The following PTPRG variants were observed in gnomAD, a reference collection of about 807,000 sequenced individuals.
PTPRG encodes protein tyrosine phosphatase receptor type G, also known as receptor-type tyrosine-protein phosphatase gamma.
In PTPRG, 102 loss-of-function variants were observed where a neutral mutation model predicts 165.3. That is an observed-to-expected ratio of 0.62 (90% CI 0.53 to 0.73). The LOEUF (loss-of-function observed/expected upper bound fraction) is 0.73, where lower values mean the gene tolerates loss of function less well. Ranked by LOEUF, PTPRG falls within the 30% of genes least tolerant of loss-of-function variation. PTPRG has a pLI of 0.00. For missense variants in PTPRG, 1,866 were observed against 1,861.4 expected, an observed-to-expected ratio of 1.00 and a Z score of -0.05; for synonymous variants, 675 against 669.5, an observed-to-expected ratio of 1.01 and a Z score of -0.13.
chr3:61,668,847 A>G (rs1271692694), intron 1 of PTPRG, among the ~76,000 whole-genome samples: 1 of 152,158 alleles, frequency 6.6e-6, no homozygotes, highest in African/African-American at 2.4e-5. Flanking sequence ...GTCATTTCTT[A>G]GGAGGATTTA....
rs1443608613 is a variant in PTPRG at position 62,214,573 on chromosome 3, G to A, written c.2156-4278G>A. On this transcript the variant is annotated intron_variant, in intron 12 of 29. Coordinates refer to ENST00000474889, the MANE Select transcript of PTPRG (RefSeq NM_002841.4). The surrounding 1 kb of genome is among the most constrained non-coding windows in gnomAD (Gnocchi z 5.2). ...TGTAACTGTTCTTCCATACACAGAC[G>A]GAAATCAGCCCTGCCTTTGGGGACC... 2.6e-5 allele frequency among the ~76,000 whole-genome samples: 4 copies of A among 152,150 alleles called. No homozygotes were observed. The highest frequency in any genetic ancestry group is 5.9e-5 in the Non-Finnish European group (4 of 68,026).
intron 6 of PTPRG, among the ~76,000 whole-genome samples, chr3:62,137,524 G>T (rs965223955): frequency 2.6e-5 from 4 of 152,080 alleles, no homozygotes; most frequent in Non-Finnish European, 5.9e-5. Context: ...CCTTTCTGTC[G>T]ACCAGTGCTG....
chr3:62,080,436 C>T (rs1701532634), intron 5 of PTPRG, among the ~76,000 whole-genome samples: 1 of 152,014 alleles, frequency 6.6e-6, no homozygotes, highest in Admixed American at 6.6e-5. Context: ...ACACAAACTG[C>T]TCTTAAAACA....
intron 2 of PTPRG, among the ~76,000 whole-genome samples, chr3:61,817,746 G>GA (rs1468336677): frequency 6.6e-6 from 1 of 152,174 alleles, no homozygotes; most frequent in Non-Finnish European, 1.5e-5. Flanking sequence ...GCCTACTTGG[G>GA]ATGTGCATTG....
At chr3:61,744,175 A>C in intron 1 of PTPRG, among the ~76,000 whole-genome samples, 1 of 152,190 alleles carries the variant, frequency 6.6e-6, no homozygotes, top group East Asian at 1.9e-4. Flanking sequence ...AATATACTCT[A>C]TATATACTTT....
rs184186776 is a variant in PTPRG, at chr3:61,870,724, A to G, written c.191-118901A>G. 1.0e-3 allele frequency among the ~76,000 whole-genome samples: 155 copies of G among 151,936 alleles called. 1 individual carries two copies. The highest frequency in any genetic ancestry group is 3.4e-3 in the African/African-American group (142 of 41,374). On this transcript the variant is annotated intron_variant, in intron 2 of 29. Coordinates refer to ENST00000474889, the MANE Select transcript of PTPRG (RefSeq NM_002841.4). ...GATTACCTCCCAGTTTTGAGCATCA[A>G]TTGGTAACAAAATCTGTGTAAGTGT...
intron 2 of PTPRG, among the ~76,000 whole-genome samples, chr3:61,895,984 T>C (rs1392328093): frequency 6.6e-6 from 1 of 152,222 alleles, no homozygotes; most frequent in African/African-American, 2.4e-5. Context: ...AAAACTATGG[T>C]ATATCACAGG....
intron 4 of PTPRG, among the ~76,000 whole-genome samples, chr3:62,049,933 A>T (rs1209771028): frequency 1.3e-5 from 2 of 152,200 alleles, no homozygotes; most frequent in African/African-American, 2.4e-5. Context: ...TAAATTGGAG[A>T]AATATTAGAA....
chr3:61,823,288 T>A (rs145658517), intron 2 of PTPRG, among the ~76,000 whole-genome samples: 6,401 of 152,272 alleles, frequency 0.042, 174 homozygotes, highest in Non-Finnish European at 0.068. Context: ...CCTCCCGGGT[T>A]CAAGGGATTC....
At chr3:62,119,339 A>G (rs1209408202) in intron 5 of PTPRG, among the ~76,000 whole-genome samples, 1 of 152,266 alleles carries the variant, frequency 6.6e-6, no homozygotes, top group African/African-American at 2.4e-5. Flanking sequence ...GGAATGGGCC[A>G]GGGAAGGCCT....
At chr3:61,739,110 A>G (rs996567825) in intron 1 of PTPRG, 4 of 101,176 alleles carry the variant, frequency 4.0e-5, no homozygotes, top group Middle Eastern at 4.9e-3. Context: ...GGCCTATTTG[A>G]AAAAAAAAAA....
intron 2 of PTPRG, among the ~76,000 whole-genome samples, chr3:61,861,283 A>G (rs1462334485): frequency 6.6e-6 from 1 of 152,176 alleles, no homozygotes; most frequent in East Asian, 1.9e-4. Flanking sequence ...AGAGTCTCCA[A>G]TGAGTAGCTT....
intron 1 of PTPRG, among the ~76,000 whole-genome samples, chr3:61,595,763 T>C (rs1359398591): frequency 2.0e-5 from 3 of 152,230 alleles, no homozygotes; most frequent in Non-Finnish European, 4.4e-5. Context: ...ATTCATATAG[T>C]AGCTAAGAAA....
intron 2 of PTPRG, among the ~76,000 whole-genome samples, chr3:61,949,185 A>G (rs1397083504): frequency 1.3e-5 from 2 of 152,150 alleles, no homozygotes; most frequent in Non-Finnish European, 2.9e-5. Context: ...ACTCAAAAAA[A>G]CCAAATCAAC....
rs767626410 is a variant in PTPRG at position 61,562,385 on chromosome 3, C to G, written c.85+13C>G. 6.2e-7 allele frequency: 1 copy of G among 1,612,824 alleles called. No individual in the cohort carries two copies. The highest frequency in any genetic ancestry group is 1.1e-5 in the South Asian group (1 of 91,062). The stretch of plus-strand genomic sequence containing the variant: ...GTGTGCTTCCCCGGTGAGTGCCGGC[C>G]GCCGAGGGGATGCGGCCCCGGCCGG... On this transcript the variant is annotated intron_variant, in intron 1 of 29. Transcript: ENST00000474889.
At chr3:62,005,483 T>A (rs1004144506) in intron 4 of PTPRG, among the ~76,000 whole-genome samples, 7 of 152,044 alleles carry the variant, frequency 4.6e-5, no homozygotes, top group African/African-American at 1.7e-4. Flanking sequence ...GAATTGGGTT[T>A]CCGTTTGTTC....
intron 2 of PTPRG, among the ~76,000 whole-genome samples, chr3:61,798,745 A>G (rs1283013314): frequency 6.6e-6 from 1 of 152,020 alleles, no homozygotes; most frequent in Non-Finnish European, 1.5e-5. Context: ...AGTTGGCTCA[A>G]CAACAGCCCA....
intron 2 of PTPRG, among the ~76,000 whole-genome samples, chr3:61,875,824 A>G (rs1178592815): frequency 6.6e-6 from 1 of 152,118 alleles, no homozygotes; most frequent in Non-Finnish European, 1.5e-5. Context: ...TCTGCCTGGA[A>G]TGAAGATGAG....
intron 2 of PTPRG, among the ~76,000 whole-genome samples, chr3:61,963,754 C>G (rs569131257): frequency 1.2e-4 from 18 of 152,070 alleles, no homozygotes; most frequent in African/African-American, 4.3e-4. Context: ...CCTAAATGAA[C>G]ATATTCATGA....
Sources: gnomAD v4.1 joint callset for allele counts (sites outside exome capture counted in the v4.1 genomes callset) on GRCh38, gnomAD v4.1.1 for gene constraint, Gnocchi (gnomAD v3.1) non-coding constraint, MANE v1.5 for transcripts, NCBI Gene and HGNC (gene_info 2026-07-23, HGNC 2026-07-21) for gene names.